Variants in CTNNA1 observed in about 807,000 individuals in gnomAD.
CTNNA1 encodes catenin alpha-1.
Under a neutral mutation model 98.4 loss-of-function variants are expected in CTNNA1, and 37 were observed. That is an observed-to-expected ratio of 0.38 (90% CI 0.29 to 0.49). The LOEUF is 0.49. CTNNA1 is among the 20% of genes least tolerant of loss of function. The probability of loss-of-function intolerance (pLI) is 0.95; values close to 1 mark genes in which losing one functional copy is unlikely to be tolerated. For missense variants in CTNNA1, 761 were observed against 1,147.2 expected (o/e 0.66, Z 4.86); for synonymous variants, 404 against 413.2 (o/e 0.98, Z 0.27).
chr5:138,909,799 A>C lies in CTNNA1; in HGVS notation c.1389+5358A>C, dbSNP rs1250431156. 2.6e-5 allele frequency among the ~76,000 whole-genome samples: 4 copies of C among 152,118 alleles called. No homozygotes were observed. In the East Asian group the frequency reaches 7.7e-4, roughly 29 times the overall value. ...TATTTGTGGCTGACATGCTTGACAC[A>C]CATCAAATAAGCATAAACTCAGGCT... On this transcript the variant is annotated intron_variant, in intron 10 of 17. Coordinates refer to ENST00000302763, the MANE Select transcript of CTNNA1 (RefSeq NM_001903.5).
At chr5:138,794,630 C>A (rs1276357217) in intron 3 of CTNNA1, among the ~76,000 whole-genome samples, 1 of 152,142 alleles carries the variant, frequency 6.6e-6, no homozygotes, top group Non-Finnish European at 1.5e-5. Flanking sequence ...GTCTATTATT[C>A]TTTGCATCTG....
At chr5:138,809,902 A>G (rs1253563523) in intron 3 of CTNNA1, 136 bp from the exon 4 acceptor site, 3 of 1,246,242 alleles carry the variant, frequency 2.4e-6, no homozygotes, top group Non-Finnish European at 3.2e-6. Context: ...ACAGCAAACA[A>G]CAACAAAAAT....
At chr5:138,806,101 A>G (rs192041438) in intron 3 of CTNNA1, among the ~76,000 whole-genome samples, 3 of 152,280 alleles carry the variant, frequency 2.0e-5, no homozygotes, top group African/African-American at 2.4e-5. Flanking sequence ...TCTTTTGCAT[A>G]TTGCACTTGT....
rs869312581 is a variant in CTNNA1, at chr5:138,865,199, G to A, written c.1063-21013G>A. Among the ~76,000 whole-genome samples the A allele has an allele frequency of 9.2e-5, 14 of 152,200 alleles. No homozygotes were observed. Among genetic ancestry groups the A allele is most frequent in the Non-Finnish European group, 1.6e-4 (11 of 68,040 alleles). On this transcript the variant is annotated intron_variant, in intron 7 of 17. Coordinates refer to ENST00000302763, the MANE Select transcript of CTNNA1 (RefSeq NM_001903.5). ...GGTGTTTACTGGGTGTCCCTTGTGT[G>A]TTGGAGCCCTGTTGTCTGGTCCCAG...
intron 3 of CTNNA1, among the ~76,000 whole-genome samples, chr5:138,791,642 A>AAAG (rs1561530003): frequency 2.7e-5 from 4 of 147,270 alleles, no homozygotes; most frequent in Admixed American, 6.7e-5. Flanking sequence ...AAAAAAAAAA[A>AAAG]GGGTCTTGTT....
At chr5:138,824,183 C>T (rs534408628) in intron 5 of CTNNA1, among the ~76,000 whole-genome samples, 2 of 151,998 alleles carry the variant, frequency 1.3e-5, no homozygotes, top group Admixed American at 6.5e-5. Context: ...ATACATTATC[C>T]GATTTAATCC....
At chr5:138,858,629 T>C (rs1763967917) in intron 7 of CTNNA1, among the ~76,000 whole-genome samples, 1 of 143,984 alleles carries the variant, frequency 6.9e-6, no homozygotes, top group Admixed American at 7.4e-5. Context: ...AGAGTCTTAT[T>C]CTGTCACCCA....
intron 3 of CTNNA1, among the ~76,000 whole-genome samples, chr5:138,801,040 A>G (rs1330150646): frequency 1.3e-5 from 2 of 152,218 alleles, no homozygotes; most frequent in Non-Finnish European, 2.9e-5. Flanking sequence ...ACGAATGATC[A>G]CTTTTCACTG....
intron 3 of CTNNA1, among the ~76,000 whole-genome samples, chr5:138,785,314 GC>G (rs1242154286): frequency 6.6e-6 from 1 of 151,974 alleles, no homozygotes; most frequent in Non-Finnish European, 1.5e-5. Context: ...GCCCGCCTCG[GC>G]CTCCCAAAGT....
In CTNNA1 at chr5:138,934,119, C is replaced by T. The variant is rs769354121; in HGVS notation, c.*30C>T. ...GCCCAGGCCGGCCGCCCCCACCCCT[C>T]GGGGCTCCTGAATATCAGTCACTGT... On this transcript the variant is annotated 3_prime_UTR_variant, in exon 18 of 18. Coordinates refer to ENST00000302763, the MANE Select transcript of CTNNA1 (RefSeq NM_001903.5). 1.1e-5 allele frequency: 17 copies of T among 1,561,868 alleles called. No individual in the cohort carries two copies. In the South Asian group the frequency reaches 1.1e-4, roughly 10 times the overall value.
At chr5:138,757,360 A>T (rs1360932087) in intron 1 of CTNNA1, among the ~76,000 whole-genome samples, 3 of 152,164 alleles carry the variant, frequency 2.0e-5, no homozygotes, top group African/African-American at 7.2e-5. Flanking sequence ...GATCGTGAAT[A>T]TATGTAATGC....
chr5:138,774,931 G>C (rs1753940684), intron 1 of CTNNA1, among the ~76,000 whole-genome samples: 1 of 152,120 alleles, frequency 6.6e-6, no homozygotes, highest in Non-Finnish European at 1.5e-5. Context: ...TTTAAGTTAA[G>C]AAGTAAGTGA....
chr5:138,850,085 G>C (rs1317868838), intron 7 of CTNNA1, among the ~76,000 whole-genome samples: 1 of 152,142 alleles, frequency 6.6e-6, no homozygotes, highest in Admixed American at 6.6e-5. Context: ...GTTTTACTAT[G>C]ATAATTTGCT....
intron 1 of CTNNA1, among the ~76,000 whole-genome samples, chr5:138,777,704 A>C (rs1371457970): frequency 6.6e-6 from 1 of 151,680 alleles, no homozygotes; most frequent in Non-Finnish European, 1.5e-5. Flanking sequence ...AAAAAAATAC[A>C]AAAACCAGTC....
At chr5:138,920,560 C>A (rs1762722574) in intron 11 of CTNNA1, among the ~76,000 whole-genome samples, 1 of 152,224 alleles carries the variant, frequency 6.6e-6, no homozygotes, top group Admixed American at 6.5e-5. Context: ...GGCTTCATAG[C>A]TTTTACTAAA....
chr5:138,927,659 CTGTT>C (rs1428456634), intron 13 of CTNNA1, among the ~76,000 whole-genome samples: 5 of 152,180 alleles, frequency 3.3e-5, no homozygotes, highest in Admixed American at 6.5e-5. Context: ...GAATTTTTGT[CTGTT>C]TGTCACTTTG....
At chr5:138,787,635 A>G (rs1189652558) in intron 3 of CTNNA1, among the ~76,000 whole-genome samples, 1 of 152,152 alleles carries the variant, frequency 6.6e-6, no homozygotes, top group African/African-American at 2.4e-5. Flanking sequence ...GTAGTTATTT[A>G]TGTGTTTATT....
At chr5:138,886,806 C>T (rs1019921959) in intron 8 of CTNNA1, among the ~76,000 whole-genome samples, 1 of 152,018 alleles carries the variant, frequency 6.6e-6, no homozygotes, top group African/African-American at 2.4e-5. Context: ...TGATAAATGA[C>T]CCCATTAACA....
At chr5:138,776,699 CG>C (rs1255391356) in intron 1 of CTNNA1, among the ~76,000 whole-genome samples, 2 of 136,596 alleles carry the variant, frequency 1.5e-5, no homozygotes, top group Non-Finnish European at 3.2e-5. Flanking sequence ...CCCTCCCGGA[CG>C]GGGCGGCTGG....
Sources: gnomAD v4.1 joint callset for allele counts (sites outside exome capture counted in the v4.1 genomes callset) on GRCh38, gnomAD v4.1.1 for gene constraint, MANE v1.5 for transcripts, NCBI Gene and HGNC (gene_info 2026-07-23, HGNC 2026-07-21) for gene names.